The following TRPV6 variants were observed in gnomAD, a reference collection of about 807,000 sequenced individuals.
The protein encoded by TRPV6 is Alu-binding protein with zinc finger domain.
A neutral mutation model predicts 79.0 loss-of-function variants in TRPV6; 39 were observed. That is an observed-to-expected ratio of 0.49 (90% CI 0.38 to 0.64). The LOEUF (loss-of-function observed/expected upper bound fraction) is 0.64. Among genes scored for constraint, TRPV6 ranks in the 30% least tolerant of loss-of-function variants. The pLI is 0.00. For missense variants in TRPV6, 813 were observed against 1,011.1 expected (o/e 0.80, Z 2.66); for synonymous variants, 373 against 391.9 (o/e 0.95, Z 0.57).
chr7:142,877,353 A>T, intron 3 of TRPV6, 74 bp from the exon 4 acceptor site: 1 of 1,582,802 alleles, frequency 6.3e-7, no homozygotes, highest in Non-Finnish European at 8.6e-7. Flanking sequence ...TATGCACCCC[A>T]GTCTCTTTCC....
At position 142,871,565 on chromosome 7, in the gene TRPV6, C is replaced by G. The variant is rs528804018; in HGVS notation, c.*142G>C. 30 of 1,026,510 alleles carry G rather than the reference C, an allele frequency of 2.9e-5. No homozygotes were observed. Among genetic ancestry groups the G allele is most frequent in the Non-Finnish European group, 4.2e-5 (30 of 712,838 alleles). The allele number at this position is 1,026,510 out of a possible 1,614,324, so 63.6% of individuals were successfully genotyped here. On this transcript the variant is annotated 3_prime_UTR_variant, in exon 15 of 15. Transcript: ENST00000359396. Reference sequence around the variant, plus strand: ...GCAGGCCTGGAGCAGTGATTCTCAACGTACATTCCTTGGCGTTCATGCTAC... The same window carrying G: ...GCAGGCCTGGAGCAGTGATTCTCAAGGTACATTCCTTGGCGTTCATGCTAC...
rs371406007 is a variant in TRPV6, at chr7:142,875,796, A to G, written c.991T>C (p.Ser331Pro). Reference sequence around the variant, plus strand: ...GTGGTGATGATAAGTTCCAGCAGGGACTGCTCATCCCCTGAGGAGTCGATC... The same window carrying G: ...GTGGTGATGATAAGTTCCAGCAGGGGCTGCTCATCCCCTGAGGAGTCGATC... The change falls in exon 7 of 15, where the codon TCC becomes CCC. Residue 331 changes from serine (S) to proline (P), a missense_variant. Coordinates refer to ENST00000359396, the MANE Select transcript of TRPV6 (RefSeq NM_018646.6). 3 of 1,610,926 alleles carry G rather than the reference A, an allele frequency of 1.9e-6. No individual in the cohort carries two copies. The highest frequency in any genetic ancestry group is 2.5e-6 in the Non-Finnish European group (3 of 1,178,256).
At chr7:142,874,181 C>T in intron 11 of TRPV6, 39 bp from the exon 12 acceptor site, 1 of 1,601,840 alleles carries the variant, frequency 6.2e-7, no homozygotes, top group Non-Finnish European at 8.5e-7. Context: ...TGCACACATT[C>T]CCCAAGCAAT....
chr7:142,874,713 G>T, intron 10 of TRPV6, 57 bp from the exon 11 acceptor site: 1 of 1,585,292 alleles, frequency 6.3e-7, no homozygotes, highest in Non-Finnish European at 8.6e-7. Context: ...CTGGGGACCT[G>T]ACAGCAAGAA....
Position 142,874,598 on chromosome 7 carries a change from C to T in TRPV6, c.1465G>A (p.Gly489Arg), listed in dbSNP as rs374296899. Residue 489 changes from glycine (G) to arginine (R), a missense_variant, in exon 11 of 15, where the codon GGG becomes AGG. By Grantham distance (125) the Gly-to-Arg change is moderately radical. Coordinates refer to ENST00000359396, the MANE Select transcript of TRPV6 (RefSeq NM_018646.6). Reference sequence around the variant, plus strand: ...GCAAAGGACATGGGTACCACCTCCCCGCTGGCACTGATGAGCCGCATCACC... The same window carrying T: ...GCAAAGGACATGGGTACCACCTCCCTGCTGGCACTGATGAGCCGCATCACC... The T allele has an allele frequency of 2.1e-5, 34 of 1,613,964 alleles. No homozygotes were observed. Among genetic ancestry groups the T allele is most frequent in the East Asian group, 4.5e-5 (2 of 44,880 alleles).
rs765390101 is a variant in TRPV6, at chr7:142,877,792, TG to T, written c.347-20del. ...ATGGCTCCTGGCATTTACAGAGAGG[TG>T]GGTTATATGGCTTCTGTGGGACAGC... On this transcript the variant is annotated intron_variant, in intron 2 of 14. Transcript: ENST00000359396. The T allele has an allele frequency of 6.2e-7, 1 of 1,613,586 alleles. No individual in the cohort carries two copies. The highest frequency in any genetic ancestry group is 1.1e-5 in the South Asian group (1 of 91,044).
chr7:142,876,741 A>G lies in TRPV6; in HGVS notation c.704T>C (p.Leu235Pro). 6.2e-7 allele frequency: 1 copy of G among 1,613,816 alleles called. No homozygotes were observed. Among genetic ancestry groups the G allele is most frequent in the Admixed American group, 1.7e-5 (1 of 59,984 alleles). Residue 235 changes from leucine (L) to proline (P), a missense_variant and splice_region_variant, in exon 5 of 15, where the codon CTG becomes CCG. Coordinates refer to ENST00000359396, the MANE Select transcript of TRPV6 (RefSeq NM_018646.6). ...CCCCTCCCCATCTCAGCTCTTACCC[A>G]GGGAGTCCTGGGCCCGGATGTCAGC...
Position 142,876,453 on chromosome 7 carries a change from C to T in TRPV6, c.837G>A (p.Gln279=), listed in dbSNP as rs1446525792. ...CAGCCAGCTTGAAAGGGGTGAGACC[C>T]TGGTGATTGGGCACGAGGTCCAGGG... Residue 279 remains glutamine (Q), a synonymous_variant, in exon 6 of 15, where the codon CAG becomes CAA. Transcript: ENST00000359396. 6.2e-7 allele frequency: 1 copy of T among 1,614,064 alleles called. No individual in the cohort carries two copies. Among genetic ancestry groups the T allele is most frequent in the Non-Finnish European group, 8.5e-7 (1 of 1,180,028 alleles).
chr7:142,878,263 T>G, intron 1 of TRPV6: 6 of 573,410 alleles, frequency 1.0e-5, no homozygotes, highest in Non-Finnish European at 1.9e-5. Context: ...ACTGGTTTCC[T>G]TCCCCCCTAC....
chr7:142,873,265 G>A lies in TRPV6; in HGVS notation c.1908+183C>T, dbSNP rs908514025. Among the ~76,000 whole-genome samples, 3 of 152,214 alleles carry A rather than the reference G, an allele frequency of 2.0e-5. No homozygotes were observed. The East Asian group carries it at 5.8e-4, about 29-fold the overall frequency. On this transcript the variant is annotated intron_variant, in intron 13 of 14. Transcript: ENST00000359396. The surrounding 1 kb of genome is among the most constrained non-coding windows in gnomAD (Gnocchi z 4.8). ...AAAACTGTGAGGCATTCTTCTCAGC[G>A]ATTCCAGTATTGCCTGGTTGAATTG...
intron 2 of TRPV6, 32 bp downstream of exon 2, chr7:142,877,897 C>T: frequency 1.2e-6 from 2 of 1,613,552 alleles, no homozygotes; most frequent in Non-Finnish European, 1.7e-6. Context: ...TGGGGCTCAC[C>T]TAGGAGATCA....
chr7:142,874,665 G>A lies in TRPV6; in HGVS notation c.1407-9C>T, dbSNP rs373206173. ...TGAAGGCATAGGTGATGCTGGGGGA[G>A]CAGGGAGGAGGGTGATGAGGGGAGG... On this transcript the variant is annotated splice_polypyrimidine_tract_variant and intron_variant, in intron 10 of 14. Transcript: ENST00000359396. The A allele has an allele frequency of 1.1e-5, 18 of 1,611,192 alleles. No individual in the cohort carries two copies. The highest frequency in any genetic ancestry group is 1.4e-5 in the Non-Finnish European group (17 of 1,178,276).
intron 1 of TRPV6, chr7:142,881,753 C>G (rs1795196628): frequency 6.6e-6 from 1 of 152,186 alleles, no homozygotes; most frequent in African/African-American, 2.4e-5. Context: ...CAATGACCTC[C>G]TTCTCAGGGC....
intron 1 of TRPV6, chr7:142,878,662 C>T (rs4987646): frequency 0.2 from 29,654 of 151,392 alleles, 5,925 homozygotes; most frequent in African/African-American, 0.52. Flanking sequence ...GGCTCCAGGC[C>T]TTCCTTCCTC....
In TRPV6 at chr7:142,875,947, G is replaced by A. The variant is rs866242973; in HGVS notation, c.883-43C>T. ...TGACTCAGGAGCAGTAAGCAAAGGG[G>A]ACGGTCACAGAGTGTGGATAGGATG... On this transcript the variant is annotated intron_variant, in intron 6 of 14. Transcript: ENST00000359396. 1.9e-6 allele frequency: 3 copies of A among 1,538,854 alleles called. No individual in the cohort carries two copies. In the Middle Eastern group the frequency reaches 5.3e-4, roughly 271 times the overall value.
intron 1 of TRPV6, 84 bp from the exon 2 acceptor site, chr7:142,878,110 A>G: frequency 8.8e-7 from 1 of 1,135,666 alleles, no homozygotes; most frequent in Non-Finnish European, 1.3e-6. Flanking sequence ...CTCCATTATT[A>G]TACACAGATG....
At chr7:142,878,205 T>C (rs550791047) in intron 1 of TRPV6, 179 bp from the exon 2 acceptor site, 6 of 609,226 alleles carry the variant, frequency 9.8e-6, no homozygotes, top group Non-Finnish European at 1.8e-5. Flanking sequence ...AGTCAGTAAA[T>C]ACAATCAACT....
chr7:142,874,139 T>A lies in TRPV6; in HGVS notation c.1576A>T (p.Ile526Phe). The A allele has an allele frequency of 6.2e-7, 1 of 1,613,436 alleles. No homozygotes were observed. Among genetic ancestry groups the A allele is most frequent in the Non-Finnish European group, 8.5e-7 (1 of 1,179,762 alleles). ...CAGAATCGCATCAGGTCGCCAAAAA[T>A]CATCTAGAAGGAGCAGGAGGCAGAG... is the stretch of plus-strand genomic sequence containing the variant. Residue 526 changes from isoleucine to phenylalanine, a missense_variant, in exon 12 of 15, where the codon ATT becomes TTT. Ile to Phe is a conservative substitution (Grantham distance 21). Around this residue, in one of 3 missense-constraint regions of TRPV6, gnomAD observed 94 missense variants for 194.0 expected, o/e 0.48. Transcript: ENST00000359396.
chr7:142,885,236 T>G, intron 1 of TRPV6, 153 bp downstream of exon 1: 2 of 856,764 alleles, frequency 2.3e-6, no homozygotes, highest in East Asian at 5.4e-5. Flanking sequence ...CTGAGGCTCT[T>G]AAGACAGAAT....
Sources: allele counts gnomAD v4.1 joint callset (sites outside exome capture counted in the v4.1 genomes callset), GRCh38; gene constraint gnomAD v4.1.1; regional missense constraint gnomAD v4.1.1; non-coding constraint Gnocchi (gnomAD v3.1); transcripts MANE v1.5; gene names NCBI Gene and HGNC (gene_info 2026-07-23, HGNC 2026-07-21).